Variants in FAT3 observed in about 807,000 individuals in gnomAD.
The protein encoded by FAT3 is FAT atypical cadherin 3, also known as protocadherin Fat 3.
FAT3 carries 95 observed loss-of-function variants against 310.2 expected under a neutral mutation model. The ratio of observed to expected loss-of-function variants is 0.31; its 90% confidence interval spans 0.26 to 0.36. The LOEUF (loss-of-function observed/expected upper bound fraction) is 0.36. Among genes scored for constraint, FAT3 ranks in the 10% least tolerant of loss-of-function variants. The probability of loss-of-function intolerance (pLI) is 1.00; values close to 1 mark genes in which losing one functional copy is unlikely to be tolerated. For synonymous variants in FAT3, 2,314 were observed against 2,192.9 expected (o/e 1.06, Z -1.54); for missense variants, 5,408 against 5,715.6 (o/e 0.95, Z 1.74).
At chr11:92,680,620 G>A (rs79492016) in intron 3 of FAT3, among the ~76,000 whole-genome samples, 2,363 of 152,050 alleles carry the variant, frequency 0.016, 58 homozygotes, top group African/African-American at 0.054. Flanking sequence ...TGAATTTTAC[G>A]GTTTTTTTTC....
intron 3 of FAT3, among the ~76,000 whole-genome samples, chr11:92,531,968 A>G (rs1164368009): frequency 6.6e-6 from 1 of 152,078 alleles, no homozygotes; most frequent in African/African-American, 2.4e-5. Context: ...ATCACCAGAC[A>G]TTATCATACA....
chr11:92,444,015 G>A (rs1001119567), intron 2 of FAT3, among the ~76,000 whole-genome samples: 2 of 152,158 alleles, frequency 1.3e-5, no homozygotes, highest in African/African-American at 2.4e-5. Context: ...GCATCATATA[G>A]CTTAAAAGAG....
At chr11:92,412,345 C>T (rs1181153765) in intron 2 of FAT3, among the ~76,000 whole-genome samples, 1 of 150,502 alleles carries the variant, frequency 6.6e-6, no homozygotes, top group East Asian at 2.0e-4. Context: ...TCGTGATCCA[C>T]CCACCTCAGC....
chr11:92,365,117 A>G (rs1565260884), intron 2 of FAT3, among the ~76,000 whole-genome samples: 2 of 152,078 alleles, frequency 1.3e-5, no homozygotes. Context: ...TAAAAATAAA[A>G]AATTTAGCTG....
rs1947288242 is a variant in FAT3 at position 92,799,938 on chromosome 11, G to C, written c.6925G>C (p.Val2309Leu). ...ASLIGTPVLQ[V>L]VSIDADSENN... Reference sequence around the variant, plus strand: ...TCTTATTGGGACACCTGTTTTACAAGTTGTCTCTATTGATGCAGACTCAGA... The same window carrying C: ...TCTTATTGGGACACCTGTTTTACAACTTGTCTCTATTGATGCAGACTCAGA... Residue 2309 changes from valine (V) to leucine (L), a missense_variant, in exon 10 of 28, where the codon GTT becomes CTT. By Grantham distance (32) the Val-to-Leu change is conservative. Transcript: ENST00000525166. The C allele has an allele frequency of 3.1e-6, 5 of 1,612,662 alleles. No homozygotes were observed. In the Admixed American group the frequency reaches 5.0e-5, roughly 16 times the overall value.
chr11:92,496,981 A>G (rs957134617), intron 2 of FAT3, among the ~76,000 whole-genome samples: 1 of 152,050 alleles, frequency 6.6e-6, no homozygotes, highest in Non-Finnish European at 1.5e-5. Flanking sequence ...TTCAACACTC[A>G]GTGCACCCCA....
chr11:92,869,705 A>G (rs1411651276), intron 22 of FAT3, among the ~76,000 whole-genome samples: 1 of 152,242 alleles, frequency 6.6e-6, no homozygotes, highest in African/African-American at 2.4e-5. Flanking sequence ...CCTTTACTTC[A>G]TATCTATGAA....
intron 13 of FAT3, among the ~76,000 whole-genome samples, chr11:92,826,382 C>T (rs766394323): frequency 6.6e-6 from 1 of 152,130 alleles, no homozygotes; most frequent in Non-Finnish European, 1.5e-5. Flanking sequence ...CTGATGAATA[C>T]GTATTAATAA....
chr11:92,554,914 C>T (rs1313782663), intron 3 of FAT3, among the ~76,000 whole-genome samples: 18 of 152,244 alleles, frequency 1.2e-4, no homozygotes, highest in East Asian at 3.9e-4. Flanking sequence ...TCATAATCTG[C>T]GAGAGAAGAT....
At chr11:92,788,663 T>A (rs981253042) in intron 7 of FAT3, among the ~76,000 whole-genome samples, 1 of 152,080 alleles carries the variant, frequency 6.6e-6, no homozygotes, top group Admixed American at 6.5e-5. Flanking sequence ...AAATCACTCA[T>A]GAAGGATTTT....
chr11:92,532,275 C>T (rs997529526), intron 3 of FAT3, among the ~76,000 whole-genome samples: 1 of 151,998 alleles, frequency 6.6e-6, no homozygotes, highest in African/African-American at 2.4e-5. Flanking sequence ...TAGGATGTAC[C>T]CTCTTTGTCC....
intron 3 of FAT3, among the ~76,000 whole-genome samples, chr11:92,654,324 A>T (rs1391225637): frequency 6.6e-6 from 1 of 152,116 alleles, no homozygotes; most frequent in Admixed American, 6.6e-5. Flanking sequence ...ACCAAAATGG[A>T]CCTCTTGCCT....
chr11:92,317,165 C>T (rs1333230549), intron 1 of FAT3, among the ~76,000 whole-genome samples: 1 of 152,068 alleles, frequency 6.6e-6, no homozygotes, highest in African/African-American at 2.4e-5. Flanking sequence ...ATGAAGAAAA[C>T]CAGGACATGG....
At chr11:92,238,692 T>G (rs927272798) in intron 1 of FAT3, among the ~76,000 whole-genome samples, 4 of 152,034 alleles carry the variant, frequency 2.6e-5, no homozygotes, top group African/African-American at 9.7e-5. Context: ...ATTATTTAAA[T>G]AATAATAGTA....
chr11:92,682,857 C>T (rs112477111), intron 3 of FAT3, among the ~76,000 whole-genome samples: 42 of 152,140 alleles, frequency 2.8e-4, no homozygotes, highest in African/African-American at 1.0e-3. Flanking sequence ...GTGGGCAGAT[C>T]ACCTGAGGTC....
chr11:92,516,337 T>C (rs973574231), intron 2 of FAT3, among the ~76,000 whole-genome samples: 2 of 151,980 alleles, frequency 1.3e-5, no homozygotes, highest in Non-Finnish European at 2.9e-5. Context: ...GTTCAACATA[T>C]GCAAATCAAT....
intron 1 of FAT3, among the ~76,000 whole-genome samples, chr11:92,338,177 C>A (rs1449796439): frequency 3.3e-5 from 5 of 152,174 alleles, no homozygotes; most frequent in Admixed American, 3.3e-4. Context: ...TGTGGATGCT[C>A]AAAATTGCTG....
At chr11:92,752,752 T>G (rs1283143195) in intron 4 of FAT3, among the ~76,000 whole-genome samples, 1 of 152,210 alleles carries the variant, frequency 6.6e-6, no homozygotes, top group Non-Finnish European at 1.5e-5. Flanking sequence ...AAAATAAGCA[T>G]AGTCATCGAC....
At chr11:92,830,201 T>G (rs1052837186) in intron 13 of FAT3, among the ~76,000 whole-genome samples, 8 of 152,174 alleles carry the variant, frequency 5.3e-5, no homozygotes, top group African/African-American at 1.9e-4. Flanking sequence ...AACAAACAAC[T>G]AAAGTGAACA....
Sources: allele counts gnomAD v4.1 joint callset (sites outside exome capture counted in the v4.1 genomes callset), GRCh38; gene constraint gnomAD v4.1.1; transcripts MANE v1.5; gene names NCBI Gene and HGNC (gene_info 2026-07-23, HGNC 2026-07-21).